ITGBL1: variants seen among roughly 807,000 people sequenced by gnomAD.
The protein encoded by ITGBL1 is integrin subunit beta like 1.
In ITGBL1, 51 loss-of-function variants were observed where a neutral mutation model predicts 68.5. The ratio of observed to expected loss-of-function variants is 0.74; its 90% confidence interval spans 0.59 to 0.94. The LOEUF (loss-of-function observed/expected upper bound fraction) is 0.94. Ranked by LOEUF, ITGBL1 falls within the 40% of genes least tolerant of loss-of-function variation. ITGBL1 has a pLI of 0.00. For synonymous variants in ITGBL1, 209 were observed against 227.3 expected (o/e 0.92, Z 0.72); for missense variants, 649 against 647.4 (o/e 1.00, Z -0.03).
At chr13:101,631,014 A>G (rs771691476) in intron 7 of ITGBL1, among the ~76,000 whole-genome samples, 3 of 152,174 alleles carry the variant, frequency 2.0e-5, no homozygotes, top group East Asian at 1.9e-4. Flanking sequence ...CTGATCAGAC[A>G]TATGTTGATC....
At chr13:101,456,356 C>T (rs2048244349) in intron 2 of ITGBL1, among the ~76,000 whole-genome samples, 1 of 152,196 alleles carries the variant, frequency 6.6e-6, no homozygotes, top group South Asian at 2.1e-4. Context: ...ACAAGTAGCA[C>T]CTAGGGCTGC....
At chr13:101,531,410 C>G (rs1312008899) in intron 2 of ITGBL1, among the ~76,000 whole-genome samples, 1 of 151,966 alleles carries the variant, frequency 6.6e-6, no homozygotes, top group African/African-American at 2.4e-5. Flanking sequence ...TATCCAGGTC[C>G]TGCTACTTTT....
At chr13:101,691,093 G>A (rs575675619) in intron 7 of ITGBL1, among the ~76,000 whole-genome samples, 12 of 152,204 alleles carry the variant, frequency 7.9e-5, no homozygotes, top group African/African-American at 2.6e-4. Context: ...TTGCCACACT[G>A]CCCACAGACG....
chr13:101,677,531 C>T (rs1244312026), intron 7 of ITGBL1, among the ~76,000 whole-genome samples: 1 of 152,130 alleles, frequency 6.6e-6, no homozygotes, highest in Non-Finnish European at 1.5e-5. Context: ...AATTATAGCA[C>T]TTATAAGTGG....
chr13:101,657,914 A>G (rs1376769847), intron 7 of ITGBL1, among the ~76,000 whole-genome samples: 1 of 152,234 alleles, frequency 6.6e-6, no homozygotes, highest in Non-Finnish European at 1.5e-5. Flanking sequence ...TTTGGGTAGC[A>G]CACAAGAGAA....
intron 7 of ITGBL1, among the ~76,000 whole-genome samples, chr13:101,689,558 T>TCATGC (rs1308861892): frequency 2.0e-5 from 3 of 151,674 alleles, no homozygotes; most frequent in Admixed American, 2.0e-4. Context: ...TGAGCCGAGA[T>TCATGC]CATGCCACTG....
intron 6 of ITGBL1, among the ~76,000 whole-genome samples, chr13:101,590,442 G>GT (rs1163205709): frequency 6.6e-6 from 1 of 152,020 alleles, no homozygotes; most frequent in Non-Finnish European, 1.5e-5. Flanking sequence ...GTCACTGCTT[G>GT]TGAATTCAGG....
chr13:101,572,396 G>A (rs535139014), intron 3 of ITGBL1, among the ~76,000 whole-genome samples: 70 of 152,224 alleles, frequency 4.6e-4, no homozygotes, highest in African/African-American at 1.6e-3. Flanking sequence ...GAGGTCCAGT[G>A]TGCAGAGCAG....
chr13:101,693,437 C>T (rs2033926958), intron 8 of ITGBL1, among the ~76,000 whole-genome samples: 1 of 152,056 alleles, frequency 6.6e-6, no homozygotes, highest in Non-Finnish European at 1.5e-5. Context: ...GGGAAAGAAA[C>T]AGAATGTGTG....
At chr13:101,636,043 G>A (rs1024986703) in intron 7 of ITGBL1, among the ~76,000 whole-genome samples, 2 of 152,024 alleles carry the variant, frequency 1.3e-5, no homozygotes, top group African/African-American at 4.8e-5. Context: ...TCAGTGATGA[G>A]AACTTTTTTA....
In ITGBL1 at chr13:101,567,560, C is replaced by T. The variant is rs147962681; in HGVS notation, c.317-139C>T. 14 of 641,810 alleles carry T rather than the reference C, an allele frequency of 2.2e-5. No homozygotes were observed. The East Asian group carries it at 3.1e-4, about 14-fold the overall frequency. The allele number at this position is 641,810 out of a possible 1,614,324, so 39.8% of individuals were successfully genotyped here. A position where few individuals can be genotyped will look rare whatever the true frequency, so the allele number is the denominator to read the frequency against. ...TGCATTTTATATAATAGCATTACCC[C>T]TCAGCCACTGCGATATACATGAGTT... On this transcript the variant is annotated intron_variant, in intron 2 of 10. Transcript: ENST00000376180.
chr13:101,456,637 G>A (rs2048248088), intron 2 of ITGBL1, among the ~76,000 whole-genome samples: 1 of 152,016 alleles, frequency 6.6e-6, no homozygotes, highest in South Asian at 2.1e-4. Context: ...GCTCTGGGCT[G>A]GGTGTGGTGG....
chr13:101,457,802 C>T (rs184130903), intron 2 of ITGBL1, among the ~76,000 whole-genome samples: 34 of 151,896 alleles, frequency 2.2e-4, no homozygotes, highest in African/African-American at 6.3e-4. Context: ...AGTGACAGAA[C>T]GACACTCCAT....
chr13:101,453,872 C>A lies in ITGBL1; in HGVS notation c.99-11C>A. 8.1e-7 allele frequency: 1 copy of A among 1,236,414 alleles called. No individual in the cohort carries two copies. Among genetic ancestry groups the A allele is most frequent in the South Asian group, 3.9e-5 (1 of 25,430 alleles). 76.6% of individuals were successfully genotyped at this position (1,236,414 alleles called of 1,614,324 possible). ...CTGACCCGGCCTGCCGGTTGCTTGT[C>A]GCCCGCGCAGGAGCTGGCCGGGCGC... On this transcript the variant is annotated splice_polypyrimidine_tract_variant and intron_variant, in intron 1 of 10. Transcript: ENST00000376180.
At chr13:101,477,714 G>T (rs1217578284) in intron 2 of ITGBL1, among the ~76,000 whole-genome samples, 1 of 152,042 alleles carries the variant, frequency 6.6e-6, no homozygotes, top group Non-Finnish European at 1.5e-5. Context: ...CAATAAATTA[G>T]AAAACCTGGA....
chr13:101,642,513 T>A (rs1220100926), intron 7 of ITGBL1, among the ~76,000 whole-genome samples: 1 of 152,222 alleles, frequency 6.6e-6, no homozygotes, highest in Non-Finnish European at 1.5e-5. Flanking sequence ...TTTTGTAGGT[T>A]GCCTGTTCAC....
At chr13:101,625,284 A>T (rs2031731831) in intron 7 of ITGBL1, among the ~76,000 whole-genome samples, 1 of 152,206 alleles carries the variant, frequency 6.6e-6, no homozygotes, top group African/African-American at 2.4e-5. Context: ...GGAACTTCTT[A>T]GTTATAAATG....
chr13:101,493,212 A>G (rs1289539814), intron 2 of ITGBL1, among the ~76,000 whole-genome samples: 1 of 152,116 alleles, frequency 6.6e-6, no homozygotes, highest in Non-Finnish European at 1.5e-5. Flanking sequence ...GCTGAACCGT[A>G]TGAGTTTCTT....
chr13:101,670,691 A>G (rs2033337346), intron 7 of ITGBL1, among the ~76,000 whole-genome samples: 2 of 152,172 alleles, frequency 1.3e-5, no homozygotes, highest in African/African-American at 2.4e-5. Context: ...TTGACTTCAA[A>G]TTAACTTTGG....
Sources: gnomAD v4.1 joint callset for allele counts (sites outside exome capture counted in the v4.1 genomes callset) on GRCh38, gnomAD v4.1.1 for gene constraint, MANE v1.5 for transcripts, NCBI Gene and HGNC (gene_info 2026-07-23, HGNC 2026-07-21) for gene names.